Variants in SORBS2 observed in about 807,000 individuals in gnomAD.
SORBS2 encodes sorbin and SH3 domain containing 2.
In SORBS2, 46 loss-of-function variants were observed where a neutral mutation model predicts 97.7. The ratio of observed to expected loss-of-function variants is 0.47; its 90% CI spans 0.37 to 0.60. The LOEUF (loss-of-function observed/expected upper bound fraction) is 0.60, where lower values mean the gene tolerates loss of function less well. Among genes scored for constraint, SORBS2 ranks in the 20% least tolerant of loss-of-function variants. SORBS2 has a pLI of 0.00. For synonymous variants in SORBS2, 476 were observed against 473.4 expected (o/e 1.01, Z -0.07); for missense variants, 1,316 against 1,282.3 (o/e 1.03, Z -0.40).
At chr4:185,887,239 C>A (rs947153240) in intron 1 of SORBS2, among the ~76,000 whole-genome samples, 1 of 152,224 alleles carries the variant, frequency 6.6e-6, no homozygotes, top group Admixed American at 6.5e-5. Context: ...TATCACATTT[C>A]TTTCTGTTAG....
At chr4:185,656,098 C>T (rs560228858) in intron 1 of SORBS2, among the ~76,000 whole-genome samples, 3 of 152,264 alleles carry the variant, frequency 2.0e-5, no homozygotes, top group Admixed American at 6.5e-5. Flanking sequence ...ACATCATCAC[C>T]AGAAACATGT....
chr4:185,636,898 C>T (rs1035437010), intron 4 of SORBS2, among the ~76,000 whole-genome samples: 2 of 152,162 alleles, frequency 1.3e-5, no homozygotes, highest in African/African-American at 4.8e-5. Context: ...CCGCCTGCCT[C>T]GGCCTCCCAA....
intron 1 of SORBS2, among the ~76,000 whole-genome samples, chr4:185,940,225 C>T (rs2099271201): frequency 6.6e-6 from 1 of 152,168 alleles, no homozygotes. Context: ...AAACATATAT[C>T]TCCAGGACCA....
intron 2 of SORBS2, among the ~76,000 whole-genome samples, chr4:185,763,597 C>T (rs775403165): frequency 6.6e-6 from 1 of 152,158 alleles, no homozygotes; most frequent in Non-Finnish European, 1.5e-5. Context: ...GTGGATCTGT[C>T]TTATGTCAAT....
At chr4:185,654,441 C>T (rs2097363164) in intron 1 of SORBS2, among the ~76,000 whole-genome samples, 1 of 152,260 alleles carries the variant, frequency 6.6e-6, no homozygotes, top group African/African-American at 2.4e-5. Flanking sequence ...TAAGTAAGTC[C>T]TATCACTGTA....
chr4:185,650,407 G>A (rs1337797185), intron 2 of SORBS2, among the ~76,000 whole-genome samples: 1 of 151,968 alleles, frequency 6.6e-6, no homozygotes, highest in Non-Finnish European at 1.5e-5. Flanking sequence ...AAAAAAGGCA[G>A]AAAAGTGCAA....
At chr4:185,818,481 G>T (rs536545238) in intron 1 of SORBS2, among the ~76,000 whole-genome samples, 1 of 152,238 alleles carries the variant, frequency 6.6e-6, no homozygotes, top group African/African-American at 2.4e-5. Context: ...GAGCCACCGT[G>T]CCCAGCAGCC....
Position 185,684,817 on chromosome 4 carries a change from C to T in SORBS2, c.-197-5995G>A, listed in dbSNP as rs540568350. On this transcript the variant is annotated intron_variant, in intron 2 of 20. Coordinates refer to the SORBS2 transcript ENST00000284776. The surrounding 1 kb of genome is among the most constrained non-coding windows in gnomAD (Gnocchi z 4.2). ...ACAGATGTTAGCGTAACAGACATGG[C>T]GGCACGTTTGCGAGCACACCCACCG... 300 of 1,551,884 alleles carry T rather than the reference C, an allele frequency of 1.9e-4. 7 individuals carry two copies. The South Asian group carries it at 3.3e-3, about 17-fold the overall frequency.
At chr4:185,882,199 C>A (rs1179136434) in intron 1 of SORBS2, among the ~76,000 whole-genome samples, 1 of 152,098 alleles carries the variant, frequency 6.6e-6, no homozygotes, top group Non-Finnish European at 1.5e-5. Flanking sequence ...CATAGAAAAT[C>A]TCAAAGAATC....
chr4:185,833,619 A>G (rs1471005099), intron 1 of SORBS2, among the ~76,000 whole-genome samples: 2 of 152,240 alleles, frequency 1.3e-5, no homozygotes, highest in South Asian at 2.1e-4. Context: ...TTAAAATTAC[A>G]TAACTATGGG....
intron 1 of SORBS2, among the ~76,000 whole-genome samples, chr4:185,869,663 C>T (rs892936399): frequency 9.2e-5 from 14 of 152,218 alleles, no homozygotes; most frequent in African/African-American, 3.4e-4. Flanking sequence ...GTTGTCATTT[C>T]TGATGCAAAT....
chr4:185,670,225 A>T (rs77054159), intron 4 of SORBS2, among the ~76,000 whole-genome samples: 87 of 148,936 alleles, frequency 5.8e-4, no homozygotes, highest in Non-Finnish European at 9.4e-4. Context: ...TCTCAAATTT[A>T]AAAAAAAAAG....
chr4:185,780,193 T>G (rs2099021462), intron 1 of SORBS2, among the ~76,000 whole-genome samples: 1 of 151,968 alleles, frequency 6.6e-6, no homozygotes, highest in South Asian at 2.1e-4. Context: ...TTTTGTGTTT[T>G]TAGTAGAGAT....
intron 1 of SORBS2, among the ~76,000 whole-genome samples, chr4:185,906,240 T>C (rs550906185): frequency 2.0e-5 from 3 of 152,232 alleles, no homozygotes; most frequent in South Asian, 4.1e-4. Context: ...TCCTTGTTGC[T>C]CAGGCTGGTC....
At chr4:185,769,764 G>A (rs1474194963) in intron 2 of SORBS2, among the ~76,000 whole-genome samples, 11 of 152,176 alleles carry the variant, frequency 7.2e-5, no homozygotes, top group African/African-American at 2.4e-4. Flanking sequence ...TGCTGGGATT[G>A]TAGGCGTGAG....
chr4:185,721,333 C>T (rs1195487755), intron 2 of SORBS2, among the ~76,000 whole-genome samples: 2 of 152,144 alleles, frequency 1.3e-5, no homozygotes, highest in East Asian at 3.9e-4. Flanking sequence ...CCTTGGCCTC[C>T]CAAAGTGCTA....
exon 12 of SORBS2, chr4:185,611,837 G>A: frequency 6.2e-7 from 1 of 1,614,082 alleles, no homozygotes; most frequent in Non-Finnish European, 8.5e-7. Context: ...GTATTGGAGG[G>A]TCAGGGTAGT....
At chr4:185,718,896 T>C (rs6836237) in intron 2 of SORBS2, among the ~76,000 whole-genome samples, 122,027 of 152,146 alleles carry the variant, frequency 0.8, 49,667 homozygotes, top group Non-Finnish European at 0.89. Flanking sequence ...GTTGTGTGCC[T>C]TAATTTTCTT....
intron 1 of SORBS2, among the ~76,000 whole-genome samples, chr4:185,789,223 A>G (rs1372934422): frequency 6.6e-6 from 1 of 152,126 alleles, no homozygotes; most frequent in Non-Finnish European, 1.5e-5. Flanking sequence ...TCCAGTGTTA[A>G]AGCTTATTTT....
Sources: allele counts gnomAD v4.1 joint callset (sites outside exome capture counted in the v4.1 genomes callset), GRCh38; gene constraint gnomAD v4.1.1; non-coding constraint Gnocchi (gnomAD v3.1); transcripts MANE v1.5; gene names NCBI Gene and HGNC (gene_info 2026-07-23, HGNC 2026-07-21).